The following CSGALNACT1 variants were observed in gnomAD, a reference collection of about 807,000 sequenced individuals.
CSGALNACT1 encodes beta4GalNAcT-1.
Under a neutral mutation model 51.0 loss-of-function variants are expected in CSGALNACT1, and 52 were observed. That is an observed-to-expected ratio of 1.02 (90% CI 0.82 to 1.29). The LOEUF is 1.29. Ranked by LOEUF, CSGALNACT1 falls within the 50% of genes most tolerant of loss-of-function variation. CSGALNACT1 has a pLI of 0.00. For synonymous variants in CSGALNACT1, 341 were observed against 254.4 expected, an observed-to-expected ratio of 1.34 and a Z score of -3.24; for missense variants, 935 against 679.2, an observed-to-expected ratio of 1.38 and a Z score of -4.19.
chr8:19,629,989 G>C (rs575215642), intron 1 of CSGALNACT1, among the ~76,000 whole-genome samples: 1 of 152,150 alleles, frequency 6.6e-6, no homozygotes, highest in African/African-American at 2.4e-5. Context: ...AGGGATCAGG[G>C]GAGTCCGACA....
chr8:19,754,040 A>T (rs1589836447), intron 1 of CSGALNACT1, among the ~76,000 whole-genome samples: 1 of 150,782 alleles, frequency 6.6e-6, no homozygotes, highest in Non-Finnish European at 1.5e-5. Flanking sequence ...ATGTGGCTCC[A>T]TTTTCTTTTT....
rs1273361576 is a variant in CSGALNACT1 at position 19,590,696 on chromosome 8, C to CTGGAG, written c.-297+459_-297+463dup. 1.2e-4 allele frequency among the ~76,000 whole-genome samples: 14 copies of CTGGAG among 121,194 alleles called. No individual in the cohort carries two copies. The East Asian group carries it at 2.5e-3, about 22-fold the overall frequency. The allele number at this position is 121,194 out of a possible 152,430, so 79.5% of individuals were successfully genotyped here. ...ATGGAGTCTCGCTCTGTCGCCCAGG[C>CTGGAG]TGGAGTGCATTGGCGCGATCTCGGC... On this transcript the variant is annotated intron_variant, in intron 3 of 9. Coordinates refer to ENST00000454498, the Ensembl canonical transcript of CSGALNACT1.
intron 3 of CSGALNACT1, among the ~76,000 whole-genome samples, chr8:19,552,681 A>G (rs1024142243): frequency 1.3e-5 from 2 of 152,210 alleles, no homozygotes; most frequent in Non-Finnish European, 2.9e-5. Flanking sequence ...ACTGAGATGA[A>G]AATTTGTATT....
intron 1 of CSGALNACT1, among the ~76,000 whole-genome samples, chr8:19,652,348 G>T (rs561686723): frequency 2.8e-4 from 42 of 152,256 alleles, no homozygotes; most frequent in African/African-American, 9.9e-4. Context: ...CAAGGAGGGG[G>T]AGTTGATATA....
chr8:19,430,480 A>G (rs1292621159), intron 6 of CSGALNACT1, among the ~76,000 whole-genome samples: 1 of 152,184 alleles, frequency 6.6e-6, no homozygotes, highest in African/African-American at 2.4e-5. Context: ...TCTTTCCCCC[A>G]TATGATGATC....
At chr8:19,671,518 C>T (rs2059794018) in intron 1 of CSGALNACT1, among the ~76,000 whole-genome samples, 1 of 152,158 alleles carries the variant, frequency 6.6e-6, no homozygotes, top group Admixed American at 6.5e-5. Context: ...TCACCAAGTA[C>T]AGTATTTATC....
chr8:19,666,386 A>G (rs546487543), intron 1 of CSGALNACT1, among the ~76,000 whole-genome samples: 38 of 151,944 alleles, frequency 2.5e-4, no homozygotes, highest in Non-Finnish European at 4.4e-4. Flanking sequence ...TAGCTACTTC[A>G]CCCAATTCAT....
rs2058741379 is a variant in CSGALNACT1, at chr8:19,661,515, T to C, written c.-544+20958A>G. ...GTATGAGGGTTGGTATTCTGGCCCA[T>C]AGCTGCTCCAGGACCTTTCAAATGT... On this transcript the variant is annotated intron_variant, in intron 1 of 9. Transcript: ENST00000332246. Among the ~76,000 whole-genome samples the C allele has an allele frequency of 2.0e-5, 3 of 152,346 alleles. No homozygotes were observed. In the South Asian group the frequency reaches 6.2e-4, roughly 32 times the overall value.
exon 4 of CSGALNACT1, chr8:19,505,613 G>C (rs745818567): frequency 1.2e-6 from 2 of 1,614,110 alleles, no homozygotes; most frequent in Admixed American, 1.7e-5. Context: ...GCCGCTTCAG[G>C]CTGCTCACGT....
chr8:19,691,135 C>T (rs2061292021), intron 1 of CSGALNACT1, among the ~76,000 whole-genome samples: 2 of 152,152 alleles, frequency 1.3e-5, no homozygotes, highest in South Asian at 4.1e-4. Context: ...TGCGGCTTAT[C>T]ATAAAATGAA....
chr8:19,438,318 CT>C (rs1273782982), intron 6 of CSGALNACT1, among the ~76,000 whole-genome samples: 1 of 152,188 alleles, frequency 6.6e-6, no homozygotes, highest in African/African-American at 2.4e-5. Context: ...TAAAGAACCC[CT>C]ATCTAGGAAT....
intron 3 of CSGALNACT1, among the ~76,000 whole-genome samples, chr8:19,585,653 C>G (rs2046459360): frequency 6.6e-6 from 1 of 152,182 alleles, no homozygotes; most frequent in African/African-American, 2.4e-5. Context: ...TGTGCCACTT[C>G]CTGCCTGGCT....
At chr8:19,420,402 C>T (rs2057725934) in exon 7 of CSGALNACT1, 1 of 1,614,188 alleles carries the variant, frequency 6.2e-7, no homozygotes, top group Non-Finnish European at 8.5e-7. Flanking sequence ...GTCCACATCA[C>T]AGAAAAAGAG....
intron 4 of CSGALNACT1, among the ~76,000 whole-genome samples, chr8:19,504,186 C>G (rs2076899930): frequency 6.6e-6 from 1 of 152,174 alleles, no homozygotes; most frequent in Admixed American, 6.5e-5. Flanking sequence ...ACGCCATTCT[C>G]CTGCCTCAGC....
At chr8:19,451,544 A>C (rs573069780) in intron 5 of CSGALNACT1, among the ~76,000 whole-genome samples, 1 of 152,230 alleles carries the variant, frequency 6.6e-6, no homozygotes, top group African/African-American at 2.4e-5. Flanking sequence ...CACCCCAAGC[A>C]CCGTTCTAGA....
rs1165754811 is a variant in CSGALNACT1, at chr8:19,612,946, G to GAAAAAAAAAAAAAAAAAAAA, written c.-543-11101_-543-11082dup. On this transcript the variant is annotated intron_variant, in intron 1 of 9. Coordinates refer to the CSGALNACT1 transcript ENST00000332246. ...CAAAAGAAGAGAGGAAAAGCAGCTGGAAAAAAAAAAAAAAAAAAAAAAAAA... is the reference window on the plus strand; with the variant it reads ...CAAAAGAAGAGAGGAAAAGCAGCTGGAAAAAAAAAAAAAAAAAAAAAAAAAAAAAAAAAAAAAAAAAAAAA... Among the ~76,000 whole-genome samples the GAAAAAAAAAAAAAAAAAAAA allele has an allele frequency of 2.1e-3, 33 of 15,446 alleles. 10 individuals are homozygous for GAAAAAAAAAAAAAAAAAAAA. Among genetic ancestry groups the GAAAAAAAAAAAAAAAAAAAA allele is most frequent in the African/African-American group, 2.5e-3 (18 of 7,162 alleles). The allele number at this position is 15,446 out of a possible 152,430, so 10.1% of individuals were successfully genotyped here.
At chr8:19,467,380 C>A (rs2066952593) in intron 4 of CSGALNACT1, among the ~76,000 whole-genome samples, 1 of 152,088 alleles carries the variant, frequency 6.6e-6, no homozygotes, top group East Asian at 1.9e-4. Flanking sequence ...CTCGGCCCCC[C>A]AAAGTGCTGG....
intron 3 of CSGALNACT1, among the ~76,000 whole-genome samples, chr8:19,582,586 A>G (rs914266829): frequency 1.3e-5 from 2 of 152,216 alleles, no homozygotes. Flanking sequence ...TGGTTTAAAG[A>G]TAGACACATG....
chr8:19,647,913 C>G (rs2057424767), intron 1 of CSGALNACT1, among the ~76,000 whole-genome samples: 1 of 152,186 alleles, frequency 6.6e-6, no homozygotes, highest in South Asian at 2.1e-4. Flanking sequence ...AAGAAAGGCA[C>G]TCTGTGTTGT....
Sources: gnomAD v4.1 joint callset for allele counts (sites outside exome capture counted in the v4.1 genomes callset) on GRCh38, gnomAD v4.1.1 for gene constraint, MANE v1.5 for transcripts, NCBI Gene and HGNC (gene_info 2026-07-23, HGNC 2026-07-21) for gene names.